DAB1: variants seen among roughly 807,000 people sequenced by gnomAD.
DAB1 encodes the protein disabled homolog 1.
Under a neutral mutation model 64.6 loss-of-function variants are expected in DAB1, and 15 were observed. That is an observed-to-expected ratio of 0.23 (90% CI 0.16 to 0.36). The LOEUF (loss-of-function observed/expected upper bound fraction) is 0.36. Among genes scored for constraint, DAB1 ranks in the 10% least tolerant of loss-of-function variants. DAB1 has a pLI of 1.00. For synonymous variants in DAB1, 235 were observed against 251.9 expected, an observed-to-expected ratio of 0.93 and a Z score of 0.64; for missense variants, 596 against 706.7, an observed-to-expected ratio of 0.84 and a Z score of 1.78.
In DAB1 at chr1:57,050,567, C is replaced by T. The variant is rs188154253; in HGVS notation, c.723+12317G>A. 2.0e-5 allele frequency among the ~76,000 whole-genome samples: 3 copies of T among 152,304 alleles called. No homozygotes were observed. In the East Asian group the frequency reaches 5.8e-4, roughly 29 times the overall value. ...AGTTCCTTCTTCCTGAATACTGTTC[C>T]ACCCTTTCTCCAGAGACAAACTCCC... is the stretch of plus-strand genomic sequence containing the variant. On this transcript the variant is annotated intron_variant, in intron 9 of 14. Coordinates refer to ENST00000371236, the MANE Select transcript of DAB1 (RefSeq NM_001365792.1).
chr1:57,615,112 C>T (rs1645776060), intron 7 of DAB1, among the ~76,000 whole-genome samples: 1 of 151,994 alleles, frequency 6.6e-6, no homozygotes, highest in Non-Finnish European at 1.5e-5. Flanking sequence ...CCTCATGATC[C>T]ACCCGCCTCG....
chr1:58,456,106 T>C (rs1476211490), intron 3 of DAB1, among the ~76,000 whole-genome samples: 1 of 152,258 alleles, frequency 6.6e-6, no homozygotes, highest in African/African-American at 2.4e-5. Flanking sequence ...AAGCATTCAG[T>C]ACTACGCTCA....
chr1:58,244,158 C>T (rs191233507), intron 4 of DAB1, among the ~76,000 whole-genome samples: 24 of 152,244 alleles, frequency 1.6e-4, no homozygotes, highest in Admixed American at 2.6e-4. Flanking sequence ...CATGGAAATA[C>T]GGGATTGTTT....
At chr1:57,815,800 C>A (rs187868350) in intron 6 of DAB1, among the ~76,000 whole-genome samples, 1 of 152,086 alleles carries the variant, frequency 6.6e-6, no homozygotes, top group Non-Finnish European at 1.5e-5. Context: ...TCTGGGTAAA[C>A]GGTAATATGT....
chr1:57,814,917 A>G (rs1651783183), intron 6 of DAB1, among the ~76,000 whole-genome samples: 1 of 152,292 alleles, frequency 6.6e-6, no homozygotes, highest in South Asian at 2.1e-4. Flanking sequence ...GGCAAGCACT[A>G]CCTACGTAGC....
rs555647664 is a variant in DAB1, at chr1:57,085,991, A to G, written c.307-13577T>C. ...AAGGATAGCAATGACTTGCAGAGCT[A>G]TAAAACAGCATGTTATATAGGCAAC... On this transcript the variant is annotated intron_variant, in intron 4 of 14. Coordinates refer to ENST00000371236, the MANE Select transcript of DAB1 (RefSeq NM_001365792.1). Among the ~76,000 whole-genome samples, 232 of 152,304 alleles carry G rather than the reference A, an allele frequency of 1.5e-3. 3 individuals are homozygous for G. The highest frequency in any genetic ancestry group is 5.4e-3 in the African/African-American group (223 of 41,572).
intron 3 of DAB1, among the ~76,000 whole-genome samples, chr1:58,357,407 A>G (rs1644122453): frequency 6.6e-6 from 1 of 152,172 alleles, no homozygotes; most frequent in South Asian, 2.1e-4. Context: ...TTTCTGCACA[A>G]CAGGAAAAAT....
intron 4 of DAB1, among the ~76,000 whole-genome samples, chr1:58,240,758 G>T (rs1054401694): frequency 1.3e-5 from 2 of 152,210 alleles, no homozygotes; most frequent in African/African-American, 4.8e-5. Context: ...CCCACGCCAA[G>T]ACTTGGTGGT....
intron 1 of DAB1, among the ~76,000 whole-genome samples, chr1:57,402,201 C>T (rs1391254549): frequency 2.0e-5 from 3 of 152,072 alleles, no homozygotes; most frequent in African/African-American, 7.2e-5. Flanking sequence ...TGCTGATATG[C>T]TTTATGCTGG....
intron 3 of DAB1, among the ~76,000 whole-genome samples, chr1:58,498,109 T>A (rs1304226236): frequency 6.6e-6 from 1 of 152,134 alleles, no homozygotes; most frequent in Non-Finnish European, 1.5e-5. Context: ...ATGGGACAGA[T>A]GAAGCAAGTG....
intron 7 of DAB1, among the ~76,000 whole-genome samples, chr1:57,490,298 A>G (rs1917339): frequency 0.38 from 57,623 of 151,872 alleles, 11,901 homozygotes; most frequent in African/African-American, 0.54. Flanking sequence ...TAGAAGACCT[A>G]GGCTTTGGGT....
chr1:58,191,575 A>G (rs1657389967), intron 4 of DAB1, among the ~76,000 whole-genome samples: 1 of 152,224 alleles, frequency 6.6e-6, no homozygotes, highest in Non-Finnish European at 1.5e-5. Flanking sequence ...GCTGGAGGAC[A>G]CAGGTCTTCT....
At chr1:58,184,504 A>G (rs1449909753) in intron 4 of DAB1, among the ~76,000 whole-genome samples, 1 of 152,128 alleles carries the variant, frequency 6.6e-6, no homozygotes, top group Admixed American at 6.6e-5. Context: ...AATAAAACAG[A>G]AAAGTAAACG....
chr1:58,485,003 T>C (rs899603245), intron 3 of DAB1, among the ~76,000 whole-genome samples: 11 of 152,038 alleles, frequency 7.2e-5, no homozygotes, highest in African/African-American at 2.4e-4. Flanking sequence ...TTTGTCAAAA[T>C]GCACTGAATG....
chr1:57,187,251 C>T (rs1291240168), intron 2 of DAB1, among the ~76,000 whole-genome samples: 1 of 152,148 alleles, frequency 6.6e-6, no homozygotes, highest in Non-Finnish European at 1.5e-5. Flanking sequence ...TAACTCACAC[C>T]AAACAACCAA....
At chr1:57,916,463 T>G (rs1345297780) in intron 5 of DAB1, among the ~76,000 whole-genome samples, 1 of 152,230 alleles carries the variant, frequency 6.6e-6, no homozygotes, top group East Asian at 1.9e-4. Flanking sequence ...CTTTCCAAAT[T>G]CTAGCTCCAA....
At chr1:57,379,730 A>G (rs1456083552) in intron 1 of DAB1, among the ~76,000 whole-genome samples, 3 of 152,222 alleles carry the variant, frequency 2.0e-5, no homozygotes, top group South Asian at 2.1e-4. Context: ...TCAGTATTAC[A>G]CACTGGATAC....
chr1:57,398,978 C>T (rs529256312), intron 1 of DAB1, among the ~76,000 whole-genome samples: 19 of 152,294 alleles, frequency 1.2e-4, no homozygotes, highest in African/African-American at 2.6e-4. Flanking sequence ...AAATGCAGTC[C>T]GACTCCTGGC....
intron 7 of DAB1, among the ~76,000 whole-genome samples, chr1:57,542,794 C>T (rs1162602853): frequency 5.3e-5 from 8 of 152,060 alleles, no homozygotes; most frequent in Non-Finnish European, 8.8e-5. Context: ...AATTCTCTCC[C>T]ACAATGTATC....
Sources: allele counts gnomAD v4.1 joint callset (sites outside exome capture counted in the v4.1 genomes callset), GRCh38; gene constraint gnomAD v4.1.1; transcripts MANE v1.5; gene names NCBI Gene and HGNC (gene_info 2026-07-23, HGNC 2026-07-21).